The following TXNDC16 variants were observed in gnomAD, a reference collection of about 807,000 sequenced individuals.
TXNDC16 encodes the protein thioredoxin domain-containing protein 16.
Under a neutral mutation model 85.6 loss-of-function variants are expected in TXNDC16, and 74 were observed. The ratio of observed to expected loss-of-function variants is 0.86; its 90% CI spans 0.72 to 1.05. TXNDC16 has a LOEUF of 1.05. Ranked by LOEUF, TXNDC16 falls within the 50% of genes least tolerant of loss-of-function variation. The probability of loss-of-function intolerance (pLI) is 0.00; values close to 1 mark genes in which losing one functional copy is unlikely to be tolerated. For missense variants in TXNDC16, 959 were observed against 947.0 expected (o/e 1.01, Z -0.17); for synonymous variants, 335 against 326.5 (o/e 1.03, Z -0.28).
chr14:52,530,394 AATATAATATATAATTAT>A (rs2037502732), intron 6 of TXNDC16, among the ~76,000 whole-genome samples: 1 of 17,462 alleles, frequency 5.7e-5, no homozygotes, highest in African/African-American at 3.7e-4. Flanking sequence ...ATAATATTAT[AATATAATATATAATTAT>A]TATATAATAT....
At chr14:52,464,162 A>C (rs1227994691) in intron 16 of TXNDC16, among the ~76,000 whole-genome samples, 1 of 152,258 alleles carries the variant, frequency 6.6e-6, no homozygotes, top group Non-Finnish European at 1.5e-5. Context: ...AATGTAAAAA[A>C]TAATATGAAA....
intron 18 of TXNDC16, among the ~76,000 whole-genome samples, chr14:52,449,891 A>G (rs1292770224): frequency 6.6e-6 from 1 of 152,052 alleles, no homozygotes; most frequent in Admixed American, 6.6e-5. Context: ...GAAATTTTAA[A>G]ATTTCTTGGA....
chr14:52,481,610 G>A (rs2036153076), intron 14 of TXNDC16, among the ~76,000 whole-genome samples: 1 of 152,108 alleles, frequency 6.6e-6, no homozygotes, highest in Non-Finnish European at 1.5e-5. Flanking sequence ...CTTACATCAA[G>A]CACACCTAAT....
intron 6 of TXNDC16, among the ~76,000 whole-genome samples, chr14:52,521,296 T>C (rs34761133): frequency 1.2e-4 from 18 of 144,018 alleles, no homozygotes; most frequent in Non-Finnish European, 2.4e-4. Flanking sequence ...TTTTTTTTTG[T>C]ATTTTTAGTA....
At chr14:52,464,817 G>A (rs2035734875) in intron 16 of TXNDC16, among the ~76,000 whole-genome samples, 1 of 152,018 alleles carries the variant, frequency 6.6e-6, no homozygotes, top group Non-Finnish European at 1.5e-5. Flanking sequence ...GCACATGTCT[G>A]TGGTCTCAGT....
In TXNDC16 at chr14:52,520,031, A is replaced by T. The variant is rs564954896; in HGVS notation, c.393-738T>A. On this transcript the variant is annotated intron_variant, in intron 6 of 20. Transcript: ENST00000281741. ...ATATTTTATCACTATATCTGTAAAAACTTATAATACAGCCTAGTACACTAT... is the reference window on the plus strand; with the variant it reads ...ATATTTTATCACTATATCTGTAAAATCTTATAATACAGCCTAGTACACTAT... 2.0e-5 allele frequency among the ~76,000 whole-genome samples: 3 copies of T among 152,334 alleles called. No homozygotes were observed. The East Asian group carries it at 5.8e-4, about 29-fold the overall frequency.
chr14:52,488,238 G>T, intron 12 of TXNDC16, 125 bp downstream of exon 12: 15 of 1,170,238 alleles, frequency 1.3e-5, no homozygotes, highest in Non-Finnish European at 1.6e-5. Flanking sequence ...AATAAATTCC[G>T]CCAGGTTTCT....
At position 52,431,541 on chromosome 14, in the gene TXNDC16, G is replaced by A. The variant is rs1191858555; in HGVS notation, c.*763C>T. On this transcript the variant is annotated 3_prime_UTR_variant, in exon 21 of 21. Transcript: ENST00000281741. Reference sequence around the variant, plus strand: ...ACGTGAGCAGAACCAGGAAATTCTGGAAACCTAGTCTGCCACAGGTTACTT... The same window carrying A: ...ACGTGAGCAGAACCAGGAAATTCTGAAAACCTAGTCTGCCACAGGTTACTT... 1 of 152,090 alleles carries A rather than the reference G, an allele frequency of 6.6e-6. No homozygotes were observed. The highest frequency in any genetic ancestry group is 1.5e-5 in the Non-Finnish European group (1 of 68,006). The allele number at this position is 152,090 out of a possible 1,614,324, so 9.4% of individuals were successfully genotyped here.
At chr14:52,501,234 T>C (rs1486239024) in intron 9 of TXNDC16, among the ~76,000 whole-genome samples, 1 of 152,092 alleles carries the variant, frequency 6.6e-6, no homozygotes, top group East Asian at 1.9e-4. Flanking sequence ...ATATCTACAA[T>C]TAGGTGTCCA....
At chr14:52,489,862 G>A (rs889988944) in intron 11 of TXNDC16, among the ~76,000 whole-genome samples, 1 of 152,060 alleles carries the variant, frequency 6.6e-6, no homozygotes, top group African/African-American at 2.4e-5. Flanking sequence ...TTGAGACAGG[G>A]TCTGTCTCTG....
intron 14 of TXNDC16, among the ~76,000 whole-genome samples, chr14:52,473,249 G>A (rs2140135162): frequency 6.6e-6 from 1 of 152,098 alleles, no homozygotes; most frequent in South Asian, 2.1e-4. Flanking sequence ...GTGTGTGTCC[G>A]TGTTCTAAAT....
intron 9 of TXNDC16, among the ~76,000 whole-genome samples, chr14:52,491,308 A>C (rs1392830404): frequency 6.9e-6 from 1 of 145,334 alleles, no homozygotes; most frequent in African/African-American, 2.5e-5. Context: ...CAGCCTCCCG[A>C]GTAGCTGAGA....
At chr14:52,486,211 A>G (rs1183727932) in intron 12 of TXNDC16, among the ~76,000 whole-genome samples, 1 of 150,776 alleles carries the variant, frequency 6.6e-6, no homozygotes, top group Non-Finnish European at 1.5e-5. Context: ...TTGTACATTT[A>G]GTCACTCCTC....
At chr14:52,495,127 G>T (rs1326696553) in intron 9 of TXNDC16, among the ~76,000 whole-genome samples, 1 of 152,186 alleles carries the variant, frequency 6.6e-6, no homozygotes. Flanking sequence ...ACCTTAAAAT[G>T]ATAAGAATCA....
intron 7 of TXNDC16, among the ~76,000 whole-genome samples, chr14:52,518,207 A>G (rs1216728270): frequency 6.6e-6 from 1 of 152,026 alleles, no homozygotes; most frequent in Non-Finnish European, 1.5e-5. Flanking sequence ...TTCCATCTAG[A>G]CTCACTCAGT....
At chr14:52,475,296 T>A (rs2035995548) in intron 14 of TXNDC16, among the ~76,000 whole-genome samples, 1 of 152,048 alleles carries the variant, frequency 6.6e-6, no homozygotes, top group South Asian at 2.1e-4. Flanking sequence ...TGTAACAATT[T>A]GAACCAATCG....
chr14:52,447,119 C>G (rs762794000), intron 18 of TXNDC16, among the ~76,000 whole-genome samples: 43 of 152,054 alleles, frequency 2.8e-4, no homozygotes, highest in Non-Finnish European at 5.9e-4. Flanking sequence ...GGCCACAATT[C>G]TAGGCCTTGG....
At chr14:52,441,271 T>C (rs925680051) in intron 18 of TXNDC16, among the ~76,000 whole-genome samples, 4 of 152,214 alleles carry the variant, frequency 2.6e-5, no homozygotes, top group Non-Finnish European at 4.4e-5. Context: ...AAGAATTTAA[T>C]ATGAAATTAG....
intron 6 of TXNDC16, among the ~76,000 whole-genome samples, chr14:52,532,626 C>T (rs2037608592): frequency 6.6e-6 from 1 of 151,998 alleles, no homozygotes; most frequent in African/African-American, 2.4e-5. Context: ...TTAGTAGAGA[C>T]AGGGTTTCAC....
Sources: gnomAD v4.1 joint callset for allele counts (sites outside exome capture counted in the v4.1 genomes callset) on GRCh38, gnomAD v4.1.1 for gene constraint, MANE v1.5 for transcripts, NCBI Gene and HGNC (gene_info 2026-07-23, HGNC 2026-07-21) for gene names.